The following STON2 variants were observed in gnomAD, a reference collection of about 807,000 sequenced individuals.
STON2 encodes the protein stonin 2.
Under a neutral mutation model 65.7 loss-of-function variants are expected in STON2, and 29 were observed. That is an observed-to-expected ratio of 0.44 (90% CI 0.33 to 0.60). The LOEUF is 0.60. Among genes scored for constraint, STON2 ranks in the 20% least tolerant of loss-of-function variants. STON2 has a pLI of 0.03. For missense variants in STON2, 1,054 were observed against 1,118.1 expected, an observed-to-expected ratio of 0.94 and a Z score of 0.82; for synonymous variants, 404 against 414.2, an observed-to-expected ratio of 0.98 and a Z score of 0.30.
chr14:81,290,110 T>C (rs1440884617), intron 5 of STON2, among the ~76,000 whole-genome samples: 1 of 152,220 alleles, frequency 6.6e-6, no homozygotes, highest in Non-Finnish European at 1.5e-5. Flanking sequence ...AGCCTCTTTA[T>C]ATATAATACT....
In STON2 at chr14:81,274,056, C is replaced by T. The variant is rs542747627; in HGVS notation, c.2581+2845G>A. 7.9e-5 allele frequency among the ~76,000 whole-genome samples: 12 copies of T among 152,240 alleles called. No individual in the cohort carries two copies. The South Asian group carries it at 2.5e-3, about 32-fold the overall frequency. Reference sequence around the variant, plus strand: ...CCGGATGGAACACTGCAAGGGAGGGCAGGAGCTGGGCACAGTGAATACCAG... The same window carrying T: ...CCGGATGGAACACTGCAAGGGAGGGTAGGAGCTGGGCACAGTGAATACCAG... On this transcript the variant is annotated intron_variant, in intron 6 of 7. Transcript: ENST00000614646.
rs1028221282 is a variant in STON2, at chr14:81,341,447, TTTTTTTTTTG to T, written c.572-17270_572-17261del. ...TTTATATTTCCTCATTTTATAAGTG[TTTTTTTTTTG>T]TTTTTTTTTTTTCCCAAAAGTCTGG... On this transcript the variant is annotated intron_variant, in intron 4 of 7. Transcript: ENST00000614646. Among the ~76,000 whole-genome samples, 24 of 95,752 alleles carry T rather than the reference TTTTTTTTTTG, an allele frequency of 2.5e-4. 1 individual carries two copies. Among genetic ancestry groups the T allele is most frequent in the African/African-American group, 1.9e-3 (21 of 10,784 alleles). The allele number at this position is 95,752 out of a possible 152,430, so 62.8% of individuals were successfully genotyped here.
intron 5 of STON2, among the ~76,000 whole-genome samples, chr14:81,288,823 G>T (rs553090158): frequency 1.3e-5 from 2 of 149,414 alleles, no homozygotes; most frequent in Admixed American, 1.3e-4. Flanking sequence ...GGGAAAAAGG[G>T]TGGGGGGGTC....
At chr14:81,284,195 C>A (rs1895243838) in intron 5 of STON2, among the ~76,000 whole-genome samples, 1 of 152,118 alleles carries the variant, frequency 6.6e-6, no homozygotes, top group African/African-American at 2.4e-5. Flanking sequence ...CCCACTATGG[C>A]CTCTAAGTAT....
At chr14:81,349,359 C>T (rs141594217) in intron 4 of STON2, among the ~76,000 whole-genome samples, 2 of 152,082 alleles carry the variant, frequency 1.3e-5, no homozygotes, top group South Asian at 2.1e-4. Flanking sequence ...GACTAATACT[C>T]GCATATATTA....
At chr14:81,306,003 C>G (rs1478554216) in intron 5 of STON2, among the ~76,000 whole-genome samples, 1 of 152,006 alleles carries the variant, frequency 6.6e-6, no homozygotes, top group Admixed American at 6.6e-5. Context: ...AAGAGCTGAT[C>G]TAGCTCTGGC....
chr14:81,295,683 G>A (rs767692726), intron 5 of STON2, among the ~76,000 whole-genome samples: 8 of 152,120 alleles, frequency 5.3e-5, no homozygotes, highest in Admixed American at 2.0e-4. Context: ...CAATGAAAAC[G>A]ACTCAAGATT....
At chr14:81,357,818 T>C (rs1436908031) in intron 4 of STON2, among the ~76,000 whole-genome samples, 1 of 143,430 alleles carries the variant, frequency 7.0e-6, no homozygotes, top group South Asian at 2.2e-4. Context: ...TATTCTCACT[T>C]ATAGGTGGGA....
At chr14:81,271,321 T>C (rs1246079748) in intron 6 of STON2, among the ~76,000 whole-genome samples, 1 of 152,254 alleles carries the variant, frequency 6.6e-6, no homozygotes, top group African/African-American at 2.4e-5. Flanking sequence ...TAGTATTTCA[T>C]ACTTTCAAAA....
chr14:81,325,319 T>C (rs1896967655), intron 4 of STON2, among the ~76,000 whole-genome samples: 1 of 152,226 alleles, frequency 6.6e-6, no homozygotes, highest in African/African-American at 2.4e-5. Context: ...TTTTGTATGC[T>C]AATATACATT....
At chr14:81,286,205 A>G (rs1895327143) in intron 5 of STON2, among the ~76,000 whole-genome samples, 1 of 152,226 alleles carries the variant, frequency 6.6e-6, no homozygotes, top group Non-Finnish European at 1.5e-5. Context: ...ATAATATTAC[A>G]TAAACTTAGT....
At chr14:81,410,290 A>T in intron 2 of STON2, among the ~76,000 whole-genome samples, 1 of 145,934 alleles carries the variant, frequency 6.9e-6, no homozygotes, top group Admixed American at 6.7e-5. Flanking sequence ...AAAAAAAAAA[A>T]AAAAAAAAAA....
At chr14:81,337,460 G>C (rs955883716) in intron 4 of STON2, among the ~76,000 whole-genome samples, 1 of 152,172 alleles carries the variant, frequency 6.6e-6, no homozygotes, top group Non-Finnish European at 1.5e-5. Flanking sequence ...ATCATTTCAA[G>C]TAGGGTTAAA....
At chr14:81,352,915 T>G (rs770193270) in intron 4 of STON2, among the ~76,000 whole-genome samples, 2 of 152,188 alleles carry the variant, frequency 1.3e-5, no homozygotes, top group Non-Finnish European at 2.9e-5. Context: ...TCCACACAGA[T>G]GGTTCAGTAA....
At chr14:81,307,852 A>G (rs75851613) in intron 5 of STON2, among the ~76,000 whole-genome samples, 4,038 of 152,298 alleles carry the variant, frequency 0.027, 179 homozygotes, top group African/African-American at 0.092. Flanking sequence ...ATATGTGTTA[A>G]TCATTTTATG....
rs753293675 is a variant in STON2 at position 81,278,714 on chromosome 14, A to G, written c.768T>C (p.Asp256=). ...PNDNSSSLQE[D]EEVEMEAISW... is the part of the protein sequence containing the mutation. ...TGATGGCCTCCATCTCTACTTCTTC[A>G]TCTTCTTGAAGCGAGGAGGAATTGT... The change falls in exon 6 of 8, where the codon GAT becomes GAC. Residue 256 remains aspartate (D), a synonymous_variant. Coordinates refer to ENST00000614646, the MANE Select transcript of STON2 (RefSeq NM_001394390.1). The G allele has an allele frequency of 1.3e-6, 2 of 1,518,344 alleles. No homozygotes were observed. The highest frequency in any genetic ancestry group is 1.3e-5 in the South Asian group (1 of 74,234). 94.1% of individuals were successfully genotyped at this position (1,518,344 alleles called of 1,614,324 possible).
At chr14:81,337,379 G>A (rs1368033284) in intron 4 of STON2, among the ~76,000 whole-genome samples, 1 of 152,168 alleles carries the variant, frequency 6.6e-6, no homozygotes, top group Non-Finnish European at 1.5e-5. Flanking sequence ...CCGGTGATAC[G>A]CCAATGACAA....
chr14:81,402,720 C>A (rs1398048215), upstream of STON2, among the ~76,000 whole-genome samples: 1 of 152,170 alleles, frequency 6.6e-6, no homozygotes, highest in Non-Finnish European at 1.5e-5. Context: ...TCCAATCCCA[C>A]TGCCAATGCC....
chr14:81,262,453 T>C lies in STON2; in HGVS notation c.*5961A>G, dbSNP rs2140076308. ...CTTTTTACTATGCAATCTTTATTTT[T>C]CCTGGAGCTTCTTACTTTTAACTTT... On this transcript the variant is annotated 3_prime_UTR_variant, in exon 8 of 8. Coordinates refer to ENST00000614646, the MANE Select transcript of STON2 (RefSeq NM_001394390.1). The C allele has an allele frequency of 1.0e-6, 1 of 985,384 alleles. No individual in the cohort carries two copies. Among genetic ancestry groups the C allele is most frequent in the East Asian group, 1.1e-4 (1 of 8,822 alleles). 61.0% of individuals were successfully genotyped at this position (985,384 alleles called of 1,614,324 possible). A position where few individuals can be genotyped will look rare whatever the true frequency, so the allele number is the denominator to read the frequency against.
Sources: gnomAD v4.1 joint callset for allele counts (sites outside exome capture counted in the v4.1 genomes callset) on GRCh38, gnomAD v4.1.1 for gene constraint, MANE v1.5 for transcripts, NCBI Gene and HGNC (gene_info 2026-07-23, HGNC 2026-07-21) for gene names.